MGLL: variants seen among roughly 807,000 people sequenced by gnomAD.
MGLL encodes monoglyceride lipase, also known as lysophospholipase homolog.
A neutral mutation model predicts 29.1 loss-of-function variants in MGLL; 7 were observed. The observed-to-expected ratio is 0.24, with a 90% CI of 0.14 to 0.45. The LOEUF (loss-of-function observed/expected upper bound fraction) is 0.45. Among genes scored for constraint, MGLL ranks in the 20% least tolerant of loss-of-function variants. The pLI, the probability that MGLL is intolerant of heterozygous loss-of-function variation, is 0.99. For synonymous variants in MGLL, 148 were observed against 168.3 expected, an observed-to-expected ratio of 0.88 and a Z score of 0.93; for missense variants, 356 against 413.6, an observed-to-expected ratio of 0.86 and a Z score of 1.21.
At chr3:127,775,594 AAC>A (rs560769208) in intron 3 of MGLL, among the ~76,000 whole-genome samples, 41 of 152,324 alleles carry the variant, frequency 2.7e-4, no homozygotes, top group African/African-American at 9.6e-4. Context: ...GTTAAAAAAA[AAC>A]ACACACACAA....
intron 2 of MGLL, among the ~76,000 whole-genome samples, chr3:127,790,510 T>A (rs1364954238): frequency 6.6e-6 from 1 of 152,168 alleles, no homozygotes; most frequent in Non-Finnish European, 1.5e-5. Context: ...CACTGTGACC[T>A]CATGGCAGCA....
At chr3:127,720,734 G>A (rs569311596) in intron 5 of MGLL, among the ~76,000 whole-genome samples, 1 of 152,340 alleles carries the variant, frequency 6.6e-6, no homozygotes, top group African/African-American at 2.4e-5. Flanking sequence ...AACAGCCCAG[G>A]CCTTGAGTGT....
Position 127,754,722 on chromosome 3 carries a change from G to A in MGLL, c.262+27067C>T, listed in dbSNP as rs1024130501. 1.2e-4 allele frequency among the ~76,000 whole-genome samples: 19 copies of A among 152,308 alleles called. No individual in the cohort carries two copies. In the South Asian group the frequency reaches 2.1e-3, roughly 17 times the overall value. On this transcript the variant is annotated intron_variant, in intron 3 of 7. Coordinates refer to ENST00000265052, the MANE Select transcript of MGLL (RefSeq NM_007283.7). ...TTTCCTTGTCGGAGGGCAAGAAAGC[G>A]TAGGCTTCACGCTGGATCTCCACCC... is the stretch of plus-strand genomic sequence containing the variant.
At chr3:127,792,038 A>G (rs1381105943) in intron 2 of MGLL, among the ~76,000 whole-genome samples, 1 of 152,224 alleles carries the variant, frequency 6.6e-6, no homozygotes, top group African/African-American at 2.4e-5. Flanking sequence ...ACTGCACTCC[A>G]GCCTGGGCGA....
chr3:127,743,945 C>T (rs1017232786), intron 3 of MGLL, among the ~76,000 whole-genome samples: 1 of 152,140 alleles, frequency 6.6e-6, no homozygotes, highest in Non-Finnish European at 1.5e-5. Context: ...ACTGAGTTAC[C>T]TTAGAGCGAG....
chr3:127,774,460 G>A (rs1220673721), intron 3 of MGLL, among the ~76,000 whole-genome samples: 1 of 152,226 alleles, frequency 6.6e-6, no homozygotes, highest in African/African-American at 2.4e-5. Context: ...AGTTAGGAGT[G>A]CAGTTGGGCA....
chr3:127,814,312 C>T lies in MGLL; in HGVS notation c.155+7382G>A, dbSNP rs536898291. On this transcript the variant is annotated intron_variant, in intron 2 of 7. Coordinates refer to ENST00000265052, the MANE Select transcript of MGLL (RefSeq NM_007283.7). ...GAGAACAATGTCACCCCGTTTCACT[C>T]GCTGACCACCGCAGCATCCCCACCC... 2.0e-4 allele frequency among the ~76,000 whole-genome samples: 31 copies of T among 152,268 alleles called. 1 individual carries two copies. The East Asian group carries it at 2.7e-3, about 13-fold the overall frequency.
chr3:127,822,120 C>A, intron 1 of MGLL, 189 bp downstream of exon 1: 1 of 704,190 alleles, frequency 1.4e-6, no homozygotes. Flanking sequence ...CAGGAAACTT[C>A]ATCTTAAAGA....
chr3:127,701,729 C>G (rs115648892), intron 6 of MGLL, among the ~76,000 whole-genome samples: 2 of 152,172 alleles, frequency 1.3e-5, no homozygotes, highest in African/African-American at 2.4e-5. Context: ...CAGCCTTCCC[C>G]GGTCCCGTGT....
intron 3 of MGLL, among the ~76,000 whole-genome samples, chr3:127,744,562 A>C (rs1219637493): frequency 6.6e-6 from 1 of 152,224 alleles, no homozygotes; most frequent in Non-Finnish European, 1.5e-5. Context: ...GCATATACAG[A>C]AAGTGCCTCT....
At chr3:127,820,324 G>A (rs576770324) in intron 2 of MGLL, among the ~76,000 whole-genome samples, 36 of 152,166 alleles carry the variant, frequency 2.4e-4, no homozygotes, top group Non-Finnish European at 3.8e-4. Context: ...AAAACCACCC[G>A]CAGGCGAAGG....
rs3836352 is a variant in MGLL at position 127,718,248 on chromosome 3, GA to G, written c.510+2804del. Among the ~76,000 whole-genome samples, 1,037 of 152,260 alleles carry G rather than the reference GA, an allele frequency of 6.8e-3. 61 individuals carry two copies. The East Asian group carries it at 0.14, about 21-fold the overall frequency. ...CTTACTAACTGGGGGAGTTGCTCTA[GA>G]AGGTGCCTGGTGCTGGGAAACTGTT... On this transcript the variant is annotated intron_variant, in intron 5 of 7. Transcript: ENST00000265052.
chr3:127,719,040 A>G (rs1468249757), intron 5 of MGLL, among the ~76,000 whole-genome samples: 1 of 152,186 alleles, frequency 6.6e-6, no homozygotes, highest in Non-Finnish European at 1.5e-5. Flanking sequence ...TCTGGGGCAA[A>G]GGGAAACCTC....
intron 5 of MGLL, among the ~76,000 whole-genome samples, chr3:127,717,613 G>T (rs899833709): frequency 1.3e-5 from 2 of 152,170 alleles, no homozygotes; most frequent in African/African-American, 4.8e-5. Context: ...CTGCACCCCT[G>T]CCCCAGGAAC....
At chr3:127,796,686 A>C (rs1213332060) in intron 2 of MGLL, among the ~76,000 whole-genome samples, 2 of 152,174 alleles carry the variant, frequency 1.3e-5, no homozygotes, top group Non-Finnish European at 2.9e-5. Context: ...GGTGAGTGTC[A>C]CGCAATGTTT....
Position 127,822,399 on chromosome 3 carries a change from G to A in MGLL, c.-81C>T. On this transcript the variant is annotated 5_prime_UTR_variant, in exon 1 of 8. Transcript: ENST00000265052. ...CAAATCGGGCTGTTCCCTCATCTGGGCGGCCCCAAGGCAGCAGGAAGGCAG... is the reference window on the plus strand; with the variant it reads ...CAAATCGGGCTGTTCCCTCATCTGGACGGCCCCAAGGCAGCAGGAAGGCAG... 1 of 1,498,346 alleles carries A rather than the reference G, an allele frequency of 6.7e-7. No homozygotes were observed. The highest frequency in any genetic ancestry group is 9.3e-7 in the Non-Finnish European group (1 of 1,076,410). The allele number at this position is 1,498,346 out of a possible 1,614,324, so 92.8% of individuals were successfully genotyped here. A position where few individuals can be genotyped will look rare whatever the true frequency, so the allele number is the denominator to read the frequency against.
intron 6 of MGLL, among the ~76,000 whole-genome samples, chr3:127,705,124 G>A (rs1334764756): frequency 6.6e-6 from 1 of 151,654 alleles, no homozygotes; most frequent in Non-Finnish European, 1.5e-5. Flanking sequence ...CGCAGGAACT[G>A]AAAACCAAAC....
rs2075221418 is a variant in MGLL, at chr3:127,690,428, G to A, written c.*1770C>T. On this transcript the variant is annotated 3_prime_UTR_variant, in exon 8 of 8. Transcript: ENST00000265052. ...GGCACAGAGTGATCTTCAGCAGGGT[G>A]ACCCGTTCCTGGCTCTCATGGTGTG... 6.6e-6 allele frequency: 1 copy of A among 152,290 alleles called. No homozygotes were observed. Among genetic ancestry groups the A allele is most frequent in the Non-Finnish European group, 1.5e-5 (1 of 68,116 alleles). 9.4% of individuals were successfully genotyped at this position (152,290 alleles called of 1,614,324 possible). A position where few individuals can be genotyped will look rare whatever the true frequency, so the allele number is the denominator to read the frequency against.
intron 2 of MGLL, among the ~76,000 whole-genome samples, chr3:127,800,601 C>T (rs2077458726): frequency 6.6e-6 from 1 of 152,206 alleles, no homozygotes; most frequent in Non-Finnish European, 1.5e-5. Context: ...GCCTGTGGAG[C>T]CCCAGCCAGG....
Sources: allele counts gnomAD v4.1 joint callset (sites outside exome capture counted in the v4.1 genomes callset), GRCh38; gene constraint gnomAD v4.1.1; transcripts MANE v1.5; gene names NCBI Gene and HGNC (gene_info 2026-07-23, HGNC 2026-07-21).